Variants in BTBD7 observed in about 807,000 individuals in gnomAD.
BTBD7 encodes BTB domain containing 7.
In BTBD7, 38 loss-of-function variants were observed where a neutral mutation model predicts 99.9. The observed-to-expected ratio is 0.38, with a 90% CI of 0.29 to 0.50. The LOEUF (loss-of-function observed/expected upper bound fraction) is 0.50. Ranked by LOEUF, BTBD7 falls within the 20% of genes least tolerant of loss-of-function variation. The pLI is 0.93. For synonymous variants in BTBD7, 520 were observed against 511.4 expected (o/e 1.02, Z -0.23); for missense variants, 1,170 against 1,394.6 (o/e 0.84, Z 2.57).
intron 1 of BTBD7, among the ~76,000 whole-genome samples, chr14:93,302,728 C>G (rs1297271581): frequency 6.6e-6 from 1 of 152,034 alleles, no homozygotes. Flanking sequence ...GACTGTAGTC[C>G]CAGCTACTCA....
rs2052189491 is a variant in BTBD7 at position 93,238,796 on chromosome 14, T to G, written c.*3477A>C. 2 of 152,234 alleles carry G rather than the reference T, an allele frequency of 1.3e-5. No individual in the cohort carries two copies. 9.4% of individuals were successfully genotyped at this position (152,234 alleles called of 1,614,324 possible). A position where few individuals can be genotyped will look rare whatever the true frequency, so the allele number is the denominator to read the frequency against. ...TGGCGCGTGTTTCCAATTTGCCTTCTGCATCGGCACCTTAATGCAGATGTA... is the reference window on the plus strand; with the variant it reads ...TGGCGCGTGTTTCCAATTTGCCTTCGGCATCGGCACCTTAATGCAGATGTA... On this transcript the variant is annotated 3_prime_UTR_variant, in exon 11 of 11. Coordinates refer to ENST00000334746, the MANE Select transcript of BTBD7 (RefSeq NM_001002860.4).
chr14:93,298,086 GAGT>G (rs1365456176), intron 1 of BTBD7, among the ~76,000 whole-genome samples: 1 of 152,120 alleles, frequency 6.6e-6, no homozygotes, highest in Non-Finnish European at 1.5e-5. Flanking sequence ...TCTATTGACT[GAGT>G]AAATTTAGTA....
chr14:93,249,377 G>A (rs1000527290), intron 8 of BTBD7, among the ~76,000 whole-genome samples: 5 of 151,922 alleles, frequency 3.3e-5, no homozygotes, highest in African/African-American at 1.2e-4. Flanking sequence ...AGAACTTAGG[G>A]TTCAGAGCTG....
At chr14:93,294,992 AC>A in intron 2 of BTBD7, 55 bp from the exon 3 acceptor site, 2 of 1,452,586 alleles carry the variant, frequency 1.4e-6, no homozygotes, top group Non-Finnish European at 1.8e-6. Context: ...TTCATTTTCA[AC>A]GTTTAACATT....
At chr14:93,276,891 A>C (rs79652642) in intron 3 of BTBD7, among the ~76,000 whole-genome samples, 3 of 125,214 alleles carry the variant, frequency 2.4e-5, no homozygotes, top group Non-Finnish European at 3.2e-5. Flanking sequence ...CACACAGATT[A>C]ATTTTTTTTT....
At chr14:93,303,672 G>T (rs1193721057) in intron 1 of BTBD7, among the ~76,000 whole-genome samples, 2 of 152,184 alleles carry the variant, frequency 1.3e-5, no homozygotes, top group South Asian at 4.1e-4. Flanking sequence ...CGTTAAGAAT[G>T]AATGTGGCTG....
At chr14:93,268,618 G>T (rs199525091) in intron 3 of BTBD7, among the ~76,000 whole-genome samples, 3 of 152,060 alleles carry the variant, frequency 2.0e-5, no homozygotes, top group Non-Finnish European at 4.4e-5. Context: ...TTTTATAGAT[G>T]AGAAAACTAA....
intron 1 of BTBD7, among the ~76,000 whole-genome samples, chr14:93,299,764 C>T (rs1043813713): frequency 6.6e-6 from 1 of 152,148 alleles, no homozygotes; most frequent in Non-Finnish European, 1.5e-5. Flanking sequence ...TAACCCACCC[C>T]CTTACCCCAG....
chr14:93,328,885 C>A (rs1437138223), intron 1 of BTBD7, among the ~76,000 whole-genome samples: 1 of 152,128 alleles, frequency 6.6e-6, no homozygotes, highest in African/African-American at 2.4e-5. Context: ...CTAGTGTACT[C>A]CAGCCTTGGT....
chr14:93,268,285 T>C (rs2052563396), intron 3 of BTBD7, among the ~76,000 whole-genome samples: 1 of 152,234 alleles, frequency 6.6e-6, no homozygotes, highest in Non-Finnish European at 1.5e-5. Context: ...GTGTTCCTCC[T>C]ATCTAAAAGT....
chr14:93,318,990 GC>G (rs1595341128), intron 1 of BTBD7, among the ~76,000 whole-genome samples: 1 of 152,206 alleles, frequency 6.6e-6, no homozygotes, highest in Non-Finnish European at 1.5e-5. Context: ...GCCGAGGTGG[GC>G]AGATTGCTTC....
intron 1 of BTBD7, among the ~76,000 whole-genome samples, chr14:93,313,302 TTTCTA>T (rs1264253426): frequency 1.3e-5 from 2 of 152,236 alleles, no homozygotes; most frequent in African/African-American, 4.8e-5. Flanking sequence ...TCAGAAAACA[TTTCTA>T]TTCATGTTAA....
chr14:93,332,614 G>C (rs1339233524), intron 1 of BTBD7, among the ~76,000 whole-genome samples: 2 of 151,604 alleles, frequency 1.3e-5, no homozygotes, highest in Non-Finnish European at 2.9e-5. Flanking sequence ...AGCGCACAGA[G>C]ACCGGCCAGT....
chr14:93,273,503 A>C (rs914551030), intron 3 of BTBD7, among the ~76,000 whole-genome samples: 2 of 152,254 alleles, frequency 1.3e-5, no homozygotes, highest in African/African-American at 4.8e-5. Flanking sequence ...GATATGAAAG[A>C]AAGCCTTGAC....
rs188433362 is a variant in BTBD7 at position 93,298,719 on chromosome 14, A to C, written c.-106-2562T>G. Among the ~76,000 whole-genome samples the C allele has an allele frequency of 7.9e-5, 12 of 152,350 alleles. 1 individual carries two copies. In the East Asian group the frequency reaches 1.9e-3, roughly 24 times the overall value. ...AAAAAAAAGCTCTGGTAAGGGAAGAACACCAAGAAAAAAGAAAACAAAATT... is the reference window on the plus strand; with the variant it reads ...AAAAAAAAGCTCTGGTAAGGGAAGACCACCAAGAAAAAAGAAAACAAAATT... On this transcript the variant is annotated intron_variant, in intron 1 of 10. Transcript: ENST00000334746.
intron 3 of BTBD7, among the ~76,000 whole-genome samples, chr14:93,276,424 GA>G (rs1181706323): frequency 1.3e-5 from 2 of 152,140 alleles, no homozygotes. Context: ...AGTGGCTGGG[GA>G]ACAAAGTGGA....
intron 6 of BTBD7, among the ~76,000 whole-genome samples, chr14:93,254,843 G>T (rs2052411703): frequency 6.6e-6 from 1 of 152,216 alleles, no homozygotes; most frequent in Non-Finnish European, 1.5e-5. Context: ...GCAAACCTTT[G>T]TTGGGGACTT....
intron 1 of BTBD7, among the ~76,000 whole-genome samples, chr14:93,315,071 TTCTGG>T (rs2053183172): frequency 6.6e-6 from 1 of 152,176 alleles, no homozygotes; most frequent in Non-Finnish European, 1.5e-5. Context: ...CCTTTGTAAC[TTCTGG>T]GTTTCCTCCT....
chr14:93,273,090 C>T lies in BTBD7; in HGVS notation c.1163-9097G>A, dbSNP rs1008681651. Among the ~76,000 whole-genome samples, 7 of 152,136 alleles carry T rather than the reference C, an allele frequency of 4.6e-5. No homozygotes were observed. The East Asian group carries it at 1.3e-3, about 29-fold the overall frequency. ...GTTCTTGAATGAGATTCTAGATCTA[C>T]CTTACTCACTGACCAAATGGCAAAA... On this transcript the variant is annotated intron_variant, in intron 3 of 10. Transcript: ENST00000334746.
Sources: allele counts gnomAD v4.1 joint callset (sites outside exome capture counted in the v4.1 genomes callset), GRCh38; gene constraint gnomAD v4.1.1; transcripts MANE v1.5; gene names NCBI Gene and HGNC (gene_info 2026-07-23, HGNC 2026-07-21).